PCCA: variants seen among roughly 807,000 people sequenced by gnomAD.
PCCA encodes propionyl-CoA carboxylase subunit alpha, also known as propionyl-CoA carboxylase alpha chain, mitochondrial.
A neutral mutation model predicts 101.3 loss-of-function variants in PCCA; 74 were observed. That is an observed-to-expected ratio of 0.73 (90% CI 0.61 to 0.89). The LOEUF is 0.89. Among genes scored for constraint, PCCA ranks in the 40% least tolerant of loss-of-function variants. The pLI, the probability that PCCA is intolerant of heterozygous loss-of-function variation, is 0.00. For missense variants in PCCA, 891 were observed against 907.0 expected (o/e 0.98, Z 0.23); for synonymous variants, 294 against 313.6 (o/e 0.94, Z 0.66).
At chr13:100,178,504 G>C (rs1487482400) in intron 6 of PCCA, among the ~76,000 whole-genome samples, 1 of 152,094 alleles carries the variant, frequency 6.6e-6, no homozygotes, top group African/African-American at 2.4e-5. Context: ...AATCCCAAAT[G>C]GGTTTTTAAG....
chr13:100,160,174 G>A (rs1396192464), intron 6 of PCCA, among the ~76,000 whole-genome samples: 1 of 152,078 alleles, frequency 6.6e-6, no homozygotes, highest in Non-Finnish European at 1.5e-5. Flanking sequence ...AAGTGGGATT[G>A]GATTTTATAC....
At chr13:100,148,186 A>G (rs901782682) in intron 4 of PCCA, among the ~76,000 whole-genome samples, 8 of 152,002 alleles carry the variant, frequency 5.3e-5, no homozygotes, top group Non-Finnish European at 1.2e-4. Context: ...CTTAGCCTCC[A>G]CTTGGGAAGC....
intron 6 of PCCA, among the ~76,000 whole-genome samples, chr13:100,193,522 G>A (rs2152452837): frequency 6.6e-6 from 1 of 152,274 alleles, no homozygotes; most frequent in African/African-American, 2.4e-5. Context: ...ACTTAATACA[G>A]TGCTTTTAAA....
intron 12 of PCCA, among the ~76,000 whole-genome samples, chr13:100,297,138 T>G (rs2065609766): frequency 6.6e-6 from 1 of 152,248 alleles, no homozygotes; most frequent in Admixed American, 6.5e-5. Context: ...AGCACCATGT[T>G]GGTAGCACGA....
chr13:100,308,807 T>C (rs1165445929), intron 15 of PCCA, among the ~76,000 whole-genome samples: 1 of 152,208 alleles, frequency 6.6e-6, no homozygotes, highest in Admixed American at 6.5e-5. Context: ...TTGCTTGATA[T>C]TGAAGAGCTA....
chr13:100,447,722 AT>A (rs937397127), intron 20 of PCCA, among the ~76,000 whole-genome samples: 1 of 151,778 alleles, frequency 6.6e-6, no homozygotes, highest in East Asian at 1.9e-4. Flanking sequence ...TCCCATACTG[AT>A]TTTTTTTCTA....
At chr13:100,368,806 A>G (rs1184585625) in intron 19 of PCCA, among the ~76,000 whole-genome samples, 3 of 152,006 alleles carry the variant, frequency 2.0e-5, no homozygotes, top group African/African-American at 7.2e-5. Context: ...TACTTGATTC[A>G]TTTTTCTTTT....
chr13:100,432,424 G>A (rs2079623689), intron 20 of PCCA, among the ~76,000 whole-genome samples: 1 of 152,120 alleles, frequency 6.6e-6, no homozygotes, highest in South Asian at 2.1e-4. Flanking sequence ...CCTTAGCCAA[G>A]GGCATCAGAT....
In PCCA at chr13:100,143,521, C is replaced by G. The variant is rs762502830; in HGVS notation, c.301-11458C>G. On this transcript the variant is annotated intron_variant, in intron 4 of 23. Transcript: ENST00000376285. Reference sequence around the variant, plus strand: ...CTGTACTCCAGCCTGGGTGACAGAGCGAGACTCTGCATCCACAAAAAAAAA... The same window carrying G: ...CTGTACTCCAGCCTGGGTGACAGAGGGAGACTCTGCATCCACAAAAAAAAA... 1.5e-3 allele frequency among the ~76,000 whole-genome samples: 215 copies of G among 139,106 alleles called. 2 individuals carry two copies. Among genetic ancestry groups the G allele is most frequent in the Non-Finnish European group, 2.7e-3 (177 of 65,746 alleles). 91.3% of individuals were successfully genotyped at this position (139,106 alleles called of 152,430 possible). A position where few individuals can be genotyped will look rare whatever the true frequency, so the allele number is the denominator to read the frequency against.
intron 8 of PCCA, among the ~76,000 whole-genome samples, chr13:100,256,803 T>G (rs1356317684): frequency 6.6e-6 from 1 of 152,204 alleles, no homozygotes; most frequent in East Asian, 1.9e-4. Flanking sequence ...CTACCTTGTT[T>G]TTAGAAAACA....
At chr13:100,332,247 G>A (rs980189364) in intron 17 of PCCA, among the ~76,000 whole-genome samples, 14 of 152,046 alleles carry the variant, frequency 9.2e-5, no homozygotes, top group Non-Finnish European at 1.8e-4. Flanking sequence ...CGCTACTTTG[G>A]ATATTTTTAA....
intron 21 of PCCA, among the ~76,000 whole-genome samples, chr13:100,469,203 C>T (rs1328210648): frequency 3.2e-5 from 1 of 31,290 alleles, no homozygotes; most frequent in Non-Finnish European, 6.3e-5. Context: ...AAGAGTGAAA[C>T]TCCGTCTCAA....
intron 11 of PCCA, among the ~76,000 whole-genome samples, chr13:100,269,853 T>C (rs1259808812): frequency 2.0e-5 from 3 of 152,226 alleles, no homozygotes; most frequent in East Asian, 1.9e-4. Context: ...CATGGTGTTA[T>C]TAGTTTTAAA....
At chr13:100,390,848 G>A (rs2076764941) in intron 19 of PCCA, among the ~76,000 whole-genome samples, 1 of 152,202 alleles carries the variant, frequency 6.6e-6, no homozygotes, top group Non-Finnish European at 1.5e-5. Context: ...CGGACAAGTG[G>A]AGTGAATGAC....
chr13:100,510,122 T>C (rs1021186845), intron 21 of PCCA, among the ~76,000 whole-genome samples: 1 of 152,226 alleles, frequency 6.6e-6, no homozygotes, highest in African/African-American at 2.4e-5. Flanking sequence ...AAAAGGAATG[T>C]AAAATTAATT....
At chr13:100,516,586 T>C (rs1216676628) in intron 22 of PCCA, among the ~76,000 whole-genome samples, 1 of 152,218 alleles carries the variant, frequency 6.6e-6, no homozygotes, top group Non-Finnish European at 1.5e-5. Flanking sequence ...GAAATAGAAC[T>C]GTCCACTTTT....
At chr13:100,483,931 GC>G (rs1346138747) in intron 21 of PCCA, among the ~76,000 whole-genome samples, 1 of 152,138 alleles carries the variant, frequency 6.6e-6, no homozygotes, top group Admixed American at 6.5e-5. Context: ...AGTGCTTTGT[GC>G]CAGCTGGTTT....
At chr13:100,286,551 C>T (rs924812639) in intron 12 of PCCA, among the ~76,000 whole-genome samples, 2 of 152,122 alleles carry the variant, frequency 1.3e-5, no homozygotes, top group Admixed American at 6.5e-5. Flanking sequence ...TAGAAGGCAA[C>T]GAATTGAACA....
chr13:100,348,779 T>TTCCTTCCTTCCTTC (rs2072755235), intron 18 of PCCA, among the ~76,000 whole-genome samples: 42 of 76,202 alleles, frequency 5.5e-4, no homozygotes, highest in Non-Finnish European at 8.4e-4. Context: ...TTTCTTTCTT[T>TTCCTTCCTTCCTTC]CTTTCTTTCT....
Sources: gnomAD v4.1 joint callset for allele counts (sites outside exome capture counted in the v4.1 genomes callset) on GRCh38, gnomAD v4.1.1 for gene constraint, MANE v1.5 for transcripts, NCBI Gene and HGNC (gene_info 2026-07-23, HGNC 2026-07-21) for gene names.